The following TMEM163 variants were observed in gnomAD, a reference collection of about 807,000 sequenced individuals.
The protein encoded by TMEM163 is transmembrane protein 163.
Under a neutral mutation model 29.3 loss-of-function variants are expected in TMEM163, and 17 were observed. The observed-to-expected ratio is 0.58, with a 90% CI of 0.40 to 0.87. The LOEUF is 0.87. TMEM163 is among the 40% of genes least tolerant of loss of function. The probability of loss-of-function intolerance (pLI) is 0.00; values close to 1 mark genes in which losing one functional copy is unlikely to be tolerated. For synonymous variants in TMEM163, 157 were observed against 160.6 expected (o/e 0.98, Z 0.17); for missense variants, 303 against 381.5 (o/e 0.79, Z 1.71).
chr2:134,675,283 T>C (rs146595805), intron 2 of TMEM163, among the ~76,000 whole-genome samples: 72 of 152,362 alleles, frequency 4.7e-4, no homozygotes, highest in African/African-American at 1.7e-3. Flanking sequence ...ACTCAGATCA[T>C]GCAGTGACTT....
chr2:134,499,540 C>T (rs1170285829), intron 5 of TMEM163, among the ~76,000 whole-genome samples: 2 of 152,230 alleles, frequency 1.3e-5, no homozygotes, highest in Middle Eastern at 3.2e-3. Context: ...TCCAGCAAAA[C>T]CCTGAGGGGC....
intron 5 of TMEM163, among the ~76,000 whole-genome samples, chr2:134,488,966 T>C (rs10200888): frequency 0.12 from 18,257 of 152,088 alleles, 1,292 homozygotes; most frequent in South Asian, 0.2. Flanking sequence ...AGTTTGAAAA[T>C]ATAAAGTGTG....
Position 134,701,342 on chromosome 2 carries a change from G to A in TMEM163, c.322+11858C>T, listed in dbSNP as rs117902310. 7.3e-4 allele frequency among the ~76,000 whole-genome samples: 111 copies of A among 152,208 alleles called. 2 individuals are homozygous for A. In the East Asian group the frequency reaches 0.015, roughly 20 times the overall value. ...AACACAGCAGTGTGAAAGCAAAAAGGCAACCCAATTTACACCTCAGGACAC... is the reference window on the plus strand; with the variant it reads ...AACACAGCAGTGTGAAAGCAAAAAGACAACCCAATTTACACCTCAGGACAC... On this transcript the variant is annotated intron_variant, in intron 2 of 7. Coordinates refer to ENST00000281924, the MANE Select transcript of TMEM163 (RefSeq NM_030923.5).
At chr2:134,695,926 C>T (rs190521465) in intron 2 of TMEM163, among the ~76,000 whole-genome samples, 128 of 152,090 alleles carry the variant, frequency 8.4e-4, no homozygotes, top group Admixed American at 1.6e-3. Context: ...GTGGTGGGTG[C>T]CTGTAATCCC....
intron 4 of TMEM163, among the ~76,000 whole-genome samples, chr2:134,529,011 G>A (rs571717713): frequency 4.6e-5 from 7 of 152,248 alleles, no homozygotes; most frequent in South Asian, 4.2e-4. Flanking sequence ...AACAGAACAC[G>A]TACCATTAGC....
intron 2 of TMEM163, among the ~76,000 whole-genome samples, chr2:134,663,360 G>A (rs73958779): frequency 3.9e-5 from 6 of 152,070 alleles, no homozygotes; most frequent in African/African-American, 9.7e-5. Flanking sequence ...GCAAACATGC[G>A]GGACAGAATT....
intron 4 of TMEM163, among the ~76,000 whole-genome samples, chr2:134,504,707 C>T (rs1679781657): frequency 1.3e-5 from 2 of 152,268 alleles, no homozygotes; most frequent in Admixed American, 1.3e-4. Context: ...CTGTGAGCAA[C>T]GTGGCCCCAT....
chr2:134,465,196 A>AAAAC (rs1553471760), intron 6 of TMEM163, among the ~76,000 whole-genome samples: 1 of 139,640 alleles, frequency 7.2e-6, no homozygotes, highest in East Asian at 2.2e-4. Flanking sequence ...CTTTAAAAAA[A>AAAAC]AAAAAAACAA....
intron 4 of TMEM163, among the ~76,000 whole-genome samples, chr2:134,536,141 A>C (rs1478074638): frequency 6.6e-6 from 1 of 152,220 alleles, no homozygotes; most frequent in East Asian, 1.9e-4. Flanking sequence ...AAGGCAGGTA[A>C]GATAAGAAGT....
intron 2 of TMEM163, among the ~76,000 whole-genome samples, chr2:134,697,059 A>G (rs1684598535): frequency 6.6e-6 from 1 of 152,118 alleles, no homozygotes; most frequent in Non-Finnish European, 1.5e-5. Flanking sequence ...TACAGGTGTG[A>G]GCCACCATGC....
chr2:134,643,171 C>A (rs1003022173), intron 2 of TMEM163, among the ~76,000 whole-genome samples: 1 of 151,870 alleles, frequency 6.6e-6, no homozygotes, highest in Non-Finnish European at 1.5e-5. Flanking sequence ...ATCACTAGAC[C>A]CCACAGACAT....
At chr2:134,544,652 G>A (rs559439081) in intron 4 of TMEM163, among the ~76,000 whole-genome samples, 8 of 152,184 alleles carry the variant, frequency 5.3e-5, no homozygotes, top group East Asian at 1.9e-4. Flanking sequence ...AAAATTAGCC[G>A]GGTGTAGTGG....
chr2:134,672,708 C>A (rs1217448183), intron 2 of TMEM163, among the ~76,000 whole-genome samples: 1 of 152,106 alleles, frequency 6.6e-6, no homozygotes, highest in Non-Finnish European at 1.5e-5. Context: ...CCCTCCCAAC[C>A]CACAATAACC....
intron 5 of TMEM163, chr2:134,467,432 G>A (rs1278351521): frequency 6.6e-6 from 1 of 152,180 alleles, no homozygotes; most frequent in African/African-American, 2.4e-5. Context: ...ATTAAGTTGT[G>A]TTGGTAACAT....
chr2:134,459,962 C>T (rs551297808), intron 6 of TMEM163, among the ~76,000 whole-genome samples: 11 of 152,256 alleles, frequency 7.2e-5, no homozygotes, highest in Admixed American at 5.2e-4. Context: ...AGCGCCACCT[C>T]GCCCTCCGCT....
At chr2:134,701,565 T>C (rs1045469847) in intron 2 of TMEM163, among the ~76,000 whole-genome samples, 9 of 152,216 alleles carry the variant, frequency 5.9e-5, no homozygotes, top group Admixed American at 5.9e-4. Flanking sequence ...CAATCTCTTC[T>C]TTGAGGCATA....
chr2:134,469,227 C>T (rs1453192414), intron 5 of TMEM163: 1 of 152,120 alleles, frequency 6.6e-6, no homozygotes, highest in Non-Finnish European at 1.5e-5. Flanking sequence ...GGGAAGTTTC[C>T]TGTACCTGGG....
intron 5 of TMEM163, chr2:134,466,772 C>A (rs1169863644): frequency 6.5e-6 from 1 of 152,946 alleles, no homozygotes. Context: ...AAAATAGCAT[C>A]TAAAAATATC....
intron 2 of TMEM163, among the ~76,000 whole-genome samples, chr2:134,588,197 A>T (rs1007426437): frequency 2.6e-5 from 4 of 152,174 alleles, no homozygotes; most frequent in African/African-American, 9.7e-5. Flanking sequence ...GATCCTGGAG[A>T]ATCAGCCAGG....
Sources: gnomAD v4.1 joint callset for allele counts (sites outside exome capture counted in the v4.1 genomes callset) on GRCh38, gnomAD v4.1.1 for gene constraint, MANE v1.5 for transcripts, NCBI Gene and HGNC (gene_info 2026-07-23, HGNC 2026-07-21) for gene names.